The following ADAMTS5 variants were observed in gnomAD, a reference collection of about 807,000 sequenced individuals.
ADAMTS5 encodes A disintegrin and metalloproteinase with thrombospondin motifs 5.
ADAMTS5 carries 54 observed loss-of-function variants against 81.4 expected under a neutral mutation model. The ratio of observed to expected loss-of-function variants is 0.66; its 90% CI spans 0.53 to 0.83. ADAMTS5 has a LOEUF of 0.83. Ranked by LOEUF, ADAMTS5 falls within the 40% of genes least tolerant of loss-of-function variation. ADAMTS5 has a pLI of 0.00. For synonymous variants in ADAMTS5, 532 were observed against 508.8 expected, an observed-to-expected ratio of 1.05 and a Z score of -0.61; for missense variants, 1,194 against 1,229.9, an observed-to-expected ratio of 0.97 and a Z score of 0.44.
At chr21:26,943,589 T>C in intron 2 of ADAMTS5, 42 bp from the exon 3 acceptor site, 1 of 1,563,970 alleles carries the variant, frequency 6.4e-7, no homozygotes, top group Non-Finnish European at 8.7e-7. Context: ...TCCGTGATTG[T>C]GTATTTCTAT....
rs747314342 is a variant in ADAMTS5, at chr21:26,965,652, G to C, written c.740C>G (p.Ala247Gly). Residue 247 changes from alanine to glycine, a missense_variant, in exon 1 of 8, where the codon GCT (alanine) becomes GGT (glycine). By Grantham distance (60) the Ala-to-Gly change is moderately conservative (BLOSUM62 0). Around this residue, in one of 2 missense-constraint regions of ADAMTS5, gnomAD observed 498 missense variants for 412.3 expected, o/e 1.21. Transcript: ENST00000284987. ...QLLDQSALSP[A>G]GGSGPQTWWR... ...CCACGTCTGCGGTCCTGAGCCCCCA[G>C]CGGGCGAGAGAGCGGACTGGTCCAA... 1.9e-6 allele frequency: 3 copies of C among 1,593,864 alleles called. No homozygotes were observed. In the Admixed American group the frequency reaches 5.2e-5, roughly 27 times the overall value.
intron 1 of ADAMTS5, among the ~76,000 whole-genome samples, chr21:26,960,841 G>A (rs538961544): frequency 6.6e-6 from 1 of 152,280 alleles, no homozygotes; most frequent in South Asian, 2.1e-4. Context: ...ATGGTTTGCT[G>A]ATGTCTGCAA....
intron 7 of ADAMTS5, among the ~76,000 whole-genome samples, chr21:26,926,966 C>G (rs1055507867): frequency 3.9e-5 from 6 of 152,140 alleles, no homozygotes; most frequent in African/African-American, 1.4e-4. Context: ...GTTTCACAAG[C>G]ACTAGTAAAC....
chr21:26,966,397 G>T lies in ADAMTS5; in HGVS notation c.-6C>A, dbSNP rs907833360. 4 of 1,434,224 alleles carry T rather than the reference G, an allele frequency of 2.8e-6. No individual in the cohort carries two copies. The highest frequency in any genetic ancestry group is 1.5e-5 in the South Asian group (1 of 67,896). The allele number at this position is 1,434,224 out of a possible 1,614,324, so 88.8% of individuals were successfully genotyped here. A position where few individuals can be genotyped will look rare whatever the true frequency, so the allele number is the denominator to read the frequency against. Reference sequence around the variant, plus strand: ...GACGCCCACCCGAGCAGCATAGTGCGCTGCCCGCGGGGAGGGGCTGCGCGA... The same window carrying T: ...GACGCCCACCCGAGCAGCATAGTGCTCTGCCCGCGGGGAGGGGCTGCGCGA... On this transcript the variant is annotated 5_prime_UTR_variant, in exon 1 of 8. Coordinates refer to ENST00000284987, the MANE Select transcript of ADAMTS5 (RefSeq NM_007038.5).
In ADAMTS5 at chr21:26,921,173, T is replaced by C. The variant is rs959035622; in HGVS notation, c.*2880A>G. 1 of 152,532 alleles carries C rather than the reference T, an allele frequency of 6.6e-6. No homozygotes were observed. The highest frequency in any genetic ancestry group is 1.5e-5 in the Non-Finnish European group (1 of 67,966). 9.4% of individuals were successfully genotyped at this position (152,532 alleles called of 1,614,324 possible). A position where few individuals can be genotyped will look rare whatever the true frequency, so the allele number is the denominator to read the frequency against. ...TACTTTTTTTCAGTGCTGCAACTTTTTTTTTGTTTGTGATTTATCCCCTAA... is the reference window on the plus strand; with the variant it reads ...TACTTTTTTTCAGTGCTGCAACTTTCTTTTTGTTTGTGATTTATCCCCTAA... On this transcript the variant is annotated 3_prime_UTR_variant, in exon 8 of 8. Transcript: ENST00000284987.
At position 26,927,327 on chromosome 21, in the gene ADAMTS5, C is replaced by T. The variant is rs546426425; in HGVS notation, c.2225+2559G>A. 8.5e-5 allele frequency among the ~76,000 whole-genome samples: 13 copies of T among 152,242 alleles called. No individual in the cohort carries two copies. The South Asian group carries it at 1.5e-3, about 17-fold the overall frequency. On this transcript the variant is annotated intron_variant, in intron 7 of 7. Transcript: ENST00000284987. Reference sequence around the variant, plus strand: ...TCAATTGATAAGAGCTGTGAAGAAACGGAGTAAGGTAAGAAGTTGCACAGT... The same window carrying T: ...TCAATTGATAAGAGCTGTGAAGAAATGGAGTAAGGTAAGAAGTTGCACAGT...
chr21:26,960,890 C>G (rs1430229851), intron 1 of ADAMTS5, among the ~76,000 whole-genome samples: 1 of 152,196 alleles, frequency 6.6e-6, no homozygotes, highest in Non-Finnish European at 1.5e-5. Context: ...AACTCCCACT[C>G]TTTCTTCAAA....
Position 26,966,157 on chromosome 21 carries a change from G to T in ADAMTS5, c.235C>A (p.Gln79Lys). Reference sequence around the variant, plus strand: ...ACCTTGCCGCCGCCGGAGTAGAGTTGGTCGATGTTCTGCACCAGCCCCTTG... The same window carrying T: ...ACCTTGCCGCCGCCGGAGTAGAGTTTGTCGATGTTCTGCACCAGCCCCTTG... Reference protein sequence around the residue: ...RSKGLVQNIDQLYSGGGKVGY... With the variant: ...RSKGLVQNIDKLYSGGGKVGY... The change falls in exon 1 of 8, where the codon CAA (glutamine) becomes AAA (lysine). Residue 79 changes from glutamine (Q) to lysine (K), a missense_variant. Coordinates refer to ENST00000284987, the MANE Select transcript of ADAMTS5 (RefSeq NM_007038.5). The T allele has an allele frequency of 6.2e-7, 1 of 1,610,704 alleles. No individual in the cohort carries two copies. Among genetic ancestry groups the T allele is most frequent in the Non-Finnish European group, 8.5e-7 (1 of 1,178,832 alleles).
chr21:26,924,231 G>A lies in ADAMTS5; in HGVS notation c.2615C>T (p.Ser872Leu). 6.2e-7 allele frequency: 1 copy of A among 1,614,198 alleles called. No homozygotes were observed. The highest frequency in any genetic ancestry group is 8.5e-7 in the Non-Finnish European group (1 of 1,180,038). ...GACCCACTGCGGCTGCGAAGTGTGT[G>A]ATCCCACTTTATTGCTGCCATGACT... ...VTSHGSNKVG[S>L]HTSQPQWVTG... is the part of the protein sequence containing the mutation. The change falls in exon 8 of 8, where the codon TCA (serine) becomes TTA (leucine). Residue 872 changes from serine to leucine, a missense_variant. Transcript: ENST00000284987.
rs562122117 is a variant in ADAMTS5 at position 26,957,390 on chromosome 21, C to T, written c.1105-2519G>A. On this transcript the variant is annotated intron_variant, in intron 1 of 7. Coordinates refer to ENST00000284987, the MANE Select transcript of ADAMTS5 (RefSeq NM_007038.5). ...TTGCTATTATATATGTGTATGTATACACACACATATATGTGATACACGGAT... is the reference window on the plus strand; with the variant it reads ...TTGCTATTATATATGTGTATGTATATACACACATATATGTGATACACGGAT... 3.4e-4 allele frequency among the ~76,000 whole-genome samples: 51 copies of T among 151,788 alleles called. No individual in the cohort carries two copies. In the South Asian group the frequency reaches 0.01, roughly 30 times the overall value.
At position 26,920,487 on chromosome 21, in the gene ADAMTS5, TA is replaced by T. The variant is rs1256893948; in HGVS notation, c.*3565del. The T allele has an allele frequency of 2.6e-5, 4 of 152,158 alleles. No individual in the cohort carries two copies. Among genetic ancestry groups the T allele is most frequent in the African/African-American group, 9.6e-5 (4 of 41,452 alleles). 9.4% of individuals were successfully genotyped at this position (152,158 alleles called of 1,614,324 possible). The stretch of plus-strand genomic sequence containing the variant: ...CTATTTGTGCTCATCTGTAGAATCC[TA>T]CAGACACTAGAGACTAAATGATATT... On this transcript the variant is annotated 3_prime_UTR_variant, in exon 8 of 8. Transcript: ENST00000284987.
At chr21:26,937,956 C>G (rs1987044353) in intron 3 of ADAMTS5, among the ~76,000 whole-genome samples, 1 of 152,108 alleles carries the variant, frequency 6.6e-6, no homozygotes, top group African/African-American at 2.4e-5. Flanking sequence ...AAAATAAAGT[C>G]AGGCCAGGTG....
chr21:26,943,160 T>A (rs902335914), intron 3 of ADAMTS5, among the ~76,000 whole-genome samples: 1 of 152,142 alleles, frequency 6.6e-6, no homozygotes, highest in African/African-American at 2.4e-5. Flanking sequence ...TCCTTTGAAA[T>A]TTTTCAATTC....
At position 26,966,038 on chromosome 21, in the gene ADAMTS5, G is replaced by C. The variant is rs1987653324; in HGVS notation, c.354C>G (p.Gly118=). Residue 118 remains glycine (G), a synonymous_variant, in exon 1 of 8, where the codon GGC becomes GGG. Transcript: ENST00000284987. ...GGTGGCGCCAGGGCGCACTCGTCCC[G>C]CCTCCTGCGGGCACGAAGCCAGCAA... ...VGIAGFVPAG[G]GTSAPWRHRS... 6.2e-7 allele frequency: 1 copy of C among 1,613,000 alleles called. No individual in the cohort carries two copies. The highest frequency in any genetic ancestry group is 1.3e-5 in the African/African-American group (1 of 74,932).
intron 3 of ADAMTS5, among the ~76,000 whole-genome samples, chr21:26,936,411 A>G (rs1322601990): frequency 2.0e-5 from 3 of 152,232 alleles, no homozygotes; most frequent in Non-Finnish European, 4.4e-5. Flanking sequence ...CAGTATATTT[A>G]ACAGCCTTTT....
At chr21:26,953,508 T>A (rs1987360768) in intron 2 of ADAMTS5, among the ~76,000 whole-genome samples, 1 of 152,202 alleles carries the variant, frequency 6.6e-6, no homozygotes, top group South Asian at 2.1e-4. Context: ...AGAAGTTATT[T>A]AACTCCCCAA....
rs1390905563 is a variant in ADAMTS5, at chr21:26,966,199, C to A, written c.193G>T (p.Ala65Ser). Residue 65 changes from alanine to serine, a missense_variant, in exon 1 of 8, where the codon GCG becomes TCG. Ala to Ser is a moderately conservative substitution (Grantham distance 99). Around this residue, in one of 2 missense-constraint regions of ADAMTS5, gnomAD observed 498 missense variants for 412.3 expected, o/e 1.21. Coordinates refer to ENST00000284987, the MANE Select transcript of ADAMTS5 (RefSeq NM_007038.5). The stretch of plus-strand genomic sequence containing the variant: ...AGCCCCTTGCTCCTGCGCCGCTGCG[C>A]CAGGGGGTGCGGGTGGCCGGGAGGC... ...AEPPGHPHPL[A>S]QRRRSKGLVQ... 1.3e-6 allele frequency: 2 copies of A among 1,597,540 alleles called. No individual in the cohort carries two copies. The highest frequency in any genetic ancestry group is 3.4e-5 in the Admixed American group (2 of 58,570).
chr21:26,950,344 A>C (rs570177552), intron 2 of ADAMTS5, among the ~76,000 whole-genome samples: 1 of 146,744 alleles, frequency 6.8e-6, no homozygotes, highest in Non-Finnish European at 1.6e-5. Flanking sequence ...ACAAGTCAAT[A>C]ATAAAAGTTT....
chr21:26,949,189 A>G (rs563549109), intron 2 of ADAMTS5, among the ~76,000 whole-genome samples: 4 of 146,362 alleles, frequency 2.7e-5, no homozygotes, highest in African/African-American at 9.9e-5. Flanking sequence ...TCACACATAT[A>G]TATATATATG....
Sources: allele counts gnomAD v4.1 joint callset (sites outside exome capture counted in the v4.1 genomes callset), GRCh38; gene constraint gnomAD v4.1.1; regional missense constraint gnomAD v4.1.1; transcripts MANE v1.5; gene names NCBI Gene and HGNC (gene_info 2026-07-23, HGNC 2026-07-21).